The following EPC1 variants were observed in gnomAD, a reference collection of about 807,000 sequenced individuals.
EPC1 encodes enhancer of polycomb 1.
Under a neutral mutation model 98.4 loss-of-function variants are expected in EPC1, and 12 were observed. That is an observed-to-expected ratio of 0.12 (90% CI 0.08 to 0.20). The LOEUF is 0.20. EPC1 is among the 10% of genes least tolerant of loss of function. The pLI, the probability that EPC1 is intolerant of heterozygous loss-of-function variation, is 1.00. For missense variants in EPC1, 729 were observed against 990.5 expected, an observed-to-expected ratio of 0.74 and a Z score of 3.54; for synonymous variants, 357 against 363.9, an observed-to-expected ratio of 0.98 and a Z score of 0.21.
chr10:32,374,330 T>C (rs1045041509), intron 1 of EPC1: 9 of 152,308 alleles, frequency 5.9e-5, no homozygotes, highest in African/African-American at 2.2e-4. Context: ...GTTTATTTGA[T>C]GACACCGTGA....
rs182202884 is a variant in EPC1 at position 32,339,606 on chromosome 10, C to T, written c.153+7157G>A. On this transcript the variant is annotated intron_variant, in intron 1 of 13. Coordinates refer to ENST00000319778, the MANE Select transcript of EPC1 (RefSeq NM_001272004.3). ...CATAGTTTTTCACAATCATATCATACAACTCTCTAAGGACACAAAATACAT... is the reference window on the plus strand; with the variant it reads ...CATAGTTTTTCACAATCATATCATATAACTCTCTAAGGACACAAAATACAT... Among the ~76,000 whole-genome samples the T allele has an allele frequency of 2.4e-3, 369 of 152,260 alleles. 1 individual carries two copies. Among genetic ancestry groups the T allele is most frequent in the African/African-American group, 8.5e-3 (355 of 41,560 alleles).
chr10:32,331,049 T>C (rs1837611701), intron 1 of EPC1, among the ~76,000 whole-genome samples: 1 of 152,160 alleles, frequency 6.6e-6, no homozygotes, highest in Admixed American at 6.5e-5. Flanking sequence ...AGGTATATTA[T>C]TTTTTCTGTA....
chr10:32,353,155 CAAAAAAAAA>C (rs78044145), intron 1 of EPC1, among the ~76,000 whole-genome samples: 1 of 73,464 alleles, frequency 1.4e-5, no homozygotes, highest in East Asian at 4.5e-4. Flanking sequence ...AACTCCATTT[CAAAAAAAAA>C]AAAAAAAAGC....
At chr10:32,330,956 T>C (rs1025849165) in intron 1 of EPC1, among the ~76,000 whole-genome samples, 1 of 151,986 alleles carries the variant, frequency 6.6e-6, no homozygotes, top group African/African-American at 2.4e-5. Context: ...AAAATCACAG[T>C]GTAAAAGTTC....
intron 10 of EPC1, among the ~76,000 whole-genome samples, chr10:32,278,483 G>A (rs1437321417): frequency 3.9e-5 from 5 of 126,854 alleles, no homozygotes; most frequent in African/African-American, 8.8e-5. Flanking sequence ...CCGGGTTCAC[G>A]CCATTCTCCT....
chr10:32,327,062 G>GACACAC (rs57395657), intron 1 of EPC1, among the ~76,000 whole-genome samples: 59,679 of 141,934 alleles, frequency 0.42, 13,933 homozygotes, highest in East Asian at 0.58. Context: ...AAAATGTGGT[G>GACACAC]ACACACACAC....
chr10:32,318,621 T>A (rs1351440129), intron 1 of EPC1, among the ~76,000 whole-genome samples: 3 of 152,192 alleles, frequency 2.0e-5, no homozygotes, highest in Non-Finnish European at 4.4e-5. Flanking sequence ...AATCTGTTCC[T>A]CCTCCTGACC....
chr10:32,300,073 G>C (rs549515761), intron 2 of EPC1, among the ~76,000 whole-genome samples: 2 of 151,742 alleles, frequency 1.3e-5, no homozygotes, highest in Non-Finnish European at 2.9e-5. Flanking sequence ...CACCACGCCC[G>C]GCTAATTTTT....
chr10:32,347,068 G>C lies in EPC1; in HGVS notation c.-153C>G, dbSNP rs1034260313. ...GCCGTCCGGGCACTAACACCAGCCGGGAGGGTGGGAGGCTGTGCCGCTCCG... is the reference window on the plus strand; with the variant it reads ...GCCGTCCGGGCACTAACACCAGCCGCGAGGGTGGGAGGCTGTGCCGCTCCG... On this transcript the variant is annotated 5_prime_UTR_variant, in exon 1 of 14. Transcript: ENST00000319778. 2 of 1,454,926 alleles carry C rather than the reference G, an allele frequency of 1.4e-6. No homozygotes were observed. Among genetic ancestry groups the C allele is most frequent in the African/African-American group, 2.8e-5 (2 of 70,278 alleles). 90.1% of individuals were successfully genotyped at this position (1,454,926 alleles called of 1,614,324 possible).
intron 1 of EPC1, among the ~76,000 whole-genome samples, chr10:32,317,999 C>T (rs1419556719): frequency 6.6e-6 from 1 of 152,146 alleles, no homozygotes; most frequent in African/African-American, 2.4e-5. Flanking sequence ...CATGAAGTTT[C>T]ATTCTGATTC....
rs765935651 is a variant in EPC1, at chr10:32,287,138, T to C, written c.1112A>G (p.Gln371Arg). Residue 371 changes from glutamine (Q) to arginine (R), a missense_variant, in exon 7 of 14, where the codon CAG becomes CGG. Transcript: ENST00000319778. ...TTCGTCTGAGCTGGGAAAGTCATAC[T>C]GATTCAGATCTTTAGCATTGAAGAC... ...LPVFNAKDLN[Q>R]YDFPSSDEEP... The C allele has an allele frequency of 6.2e-7, 1 of 1,614,228 alleles. No homozygotes were observed. The highest frequency in any genetic ancestry group is 8.5e-7 in the Non-Finnish European group (1 of 1,180,046).
intron 1 of EPC1, among the ~76,000 whole-genome samples, chr10:32,345,897 A>G (rs1276046099): frequency 6.6e-6 from 1 of 152,224 alleles, no homozygotes; most frequent in Non-Finnish European, 1.5e-5. Flanking sequence ...GATACCAGAG[A>G]GCAGGAGAAC....
chr10:32,338,454 TC>T (rs932042740), intron 1 of EPC1, among the ~76,000 whole-genome samples: 1 of 152,112 alleles, frequency 6.6e-6, no homozygotes, highest in African/African-American at 2.4e-5. Context: ...ATCATGTCAC[TC>T]CCTTAAACTC....
intron 1 of EPC1, among the ~76,000 whole-genome samples, chr10:32,340,643 A>G (rs751896418): frequency 1.3e-5 from 2 of 152,182 alleles, no homozygotes; most frequent in Non-Finnish European, 2.9e-5. Context: ...CAGCCCAGGC[A>G]ACATGGTGAA....
intron 10 of EPC1, 45 bp from the exon 11 acceptor site, chr10:32,273,326 C>A: frequency 6.3e-7 from 1 of 1,594,482 alleles, no homozygotes; most frequent in South Asian, 1.1e-5. Context: ...GCCCAGCTGT[C>A]ATGTATGTCT....
At chr10:32,273,906 C>T (rs1835958072) in intron 10 of EPC1, 1 of 151,896 alleles carries the variant, frequency 6.6e-6, no homozygotes, top group Admixed American at 6.6e-5. Flanking sequence ...TAATTTTCCC[C>T]ACCCAATTAA....
upstream of EPC1, among the ~76,000 whole-genome samples, chr10:32,350,200 G>T (rs74128093): frequency 0.034 from 5,154 of 152,286 alleles, 279 homozygotes; most frequent in African/African-American, 0.12. Flanking sequence ...AAAGGATTTG[G>T]AGTATTTAAG....
chr10:32,364,475 G>A (rs1839540524), intron 1 of EPC1, among the ~76,000 whole-genome samples: 1 of 152,268 alleles, frequency 6.6e-6, no homozygotes, highest in East Asian at 1.9e-4. Flanking sequence ...TTATTTGCAA[G>A]CTTTTATTTT....
intron 10 of EPC1, among the ~76,000 whole-genome samples, chr10:32,276,910 T>C (rs75933929): frequency 0.081 from 12,339 of 152,234 alleles, 667 homozygotes; most frequent in Non-Finnish European, 0.11. Flanking sequence ...ATGGTTGTTG[T>C]TGACAGATGA....
Sources: gnomAD v4.1 joint callset for allele counts (sites outside exome capture counted in the v4.1 genomes callset) on GRCh38, gnomAD v4.1.1 for gene constraint, MANE v1.5 for transcripts, NCBI Gene and HGNC (gene_info 2026-07-23, HGNC 2026-07-21) for gene names.